The following AFAP1 variants were observed in gnomAD, a reference collection of about 807,000 sequenced individuals.
The protein encoded by AFAP1 is actin filament associated protein 1, also known as actin filament-associated protein 1.
Under a neutral mutation model 93.9 loss-of-function variants are expected in AFAP1, and 75 were observed. The ratio of observed to expected loss-of-function variants is 0.80; its 90% confidence interval spans 0.66 to 0.97. The LOEUF is 0.97. Ranked by LOEUF, AFAP1 falls within the 50% of genes least tolerant of loss-of-function variation. The probability of loss-of-function intolerance (pLI) is 0.00; values close to 1 mark genes in which losing one functional copy is unlikely to be tolerated. For missense variants in AFAP1, 1,201 were observed against 1,050.8 expected, an observed-to-expected ratio of 1.14 and a Z score of -1.98; for synonymous variants, 517 against 430.7, an observed-to-expected ratio of 1.20 and a Z score of -2.48.
chr4:7,855,329 C>T, intron 4 of AFAP1, 137 bp downstream of exon 4: 1 of 645,026 alleles, frequency 1.6e-6, no homozygotes, highest in Non-Finnish European at 2.6e-6. Flanking sequence ...TACTGACAAT[C>T]TCTTTGGGTT....
intron 10 of AFAP1, among the ~76,000 whole-genome samples, chr4:7,794,763 C>T (rs988481752): frequency 3.3e-5 from 5 of 152,016 alleles, no homozygotes; most frequent in African/African-American, 4.8e-5. Context: ...CAGGCTCAAG[C>T]GATTCTCCTA....
chr4:7,781,250 G>T, intron 13 of AFAP1, 126 bp downstream of exon 13: 1 of 1,241,798 alleles, frequency 8.1e-7, no homozygotes, highest in Non-Finnish European at 1.1e-6. Flanking sequence ...TTATATTCTA[G>T]TTGAGAAAAA....
chr4:7,847,025 G>A (rs1451050703), intron 4 of AFAP1, among the ~76,000 whole-genome samples: 1 of 152,222 alleles, frequency 6.6e-6, no homozygotes, highest in East Asian at 1.9e-4. Context: ...TAAGTTCATT[G>A]TCTTGCCTTC....
At chr4:7,937,638 C>A (rs960624825) in intron 1 of AFAP1, among the ~76,000 whole-genome samples, 1 of 152,174 alleles carries the variant, frequency 6.6e-6, no homozygotes, top group African/African-American at 2.4e-5. Flanking sequence ...AGGCACCCAC[C>A]ACCATGCCCG....
rs1037961364 is a variant in AFAP1, at chr4:7,758,723, G to A, written c.*5042C>T. On this transcript the variant is annotated 3_prime_UTR_variant, in exon 18 of 18. Transcript: ENST00000420658. The stretch of plus-strand genomic sequence containing the variant: ...GTGAAGACACCGGGGCTGGGGGAGA[G>A]AAGTTTATTCATACACAAAGGGGCA... The A allele has an allele frequency of 1.4e-4, 21 of 152,276 alleles. No individual in the cohort carries two copies. Among genetic ancestry groups the A allele is most frequent in the Non-Finnish European group, 2.5e-4 (17 of 68,042 alleles). 9.4% of individuals were successfully genotyped at this position (152,276 alleles called of 1,614,324 possible).
Position 7,934,320 on chromosome 4 carries a change from A to T in AFAP1, c.-3+5336T>A, listed in dbSNP as rs573845041. Among the ~76,000 whole-genome samples the T allele has an allele frequency of 4.6e-5, 7 of 152,302 alleles. No homozygotes were observed. In the South Asian group the frequency reaches 1.2e-3, roughly 27 times the overall value. ...CCAGCACTCACTCTGCTGCACTGAAATGATGTCCAGGTCGGTTTTTCCCAC... is the reference window on the plus strand; with the variant it reads ...CCAGCACTCACTCTGCTGCACTGAATTGATGTCCAGGTCGGTTTTTCCCAC... On this transcript the variant is annotated intron_variant, in intron 1 of 17. Transcript: ENST00000420658.
At chr4:7,776,455 A>C (rs920847113) in intron 14 of AFAP1, 7 of 152,170 alleles carry the variant, frequency 4.6e-5, no homozygotes, top group Admixed American at 6.5e-5. Context: ...ATCTAACAAA[A>C]TGATACGACG....
intron 1 of AFAP1, among the ~76,000 whole-genome samples, chr4:7,909,939 C>A (rs1263890752): frequency 1.3e-5 from 2 of 152,128 alleles, no homozygotes; most frequent in Admixed American, 6.6e-5. Context: ...CTAAGCACTA[C>A]GAATCGGGCT....
chr4:7,893,511 G>T (rs1469184977), intron 1 of AFAP1, among the ~76,000 whole-genome samples: 2 of 148,690 alleles, frequency 1.3e-5, no homozygotes, highest in Admixed American at 6.8e-5. Flanking sequence ...AACCTGGGAG[G>T]CGGACCTTGC....
chr4:7,816,105 A>C lies in AFAP1; in HGVS notation c.823-6T>G, dbSNP rs766242443. On this transcript the variant is annotated splice_polypyrimidine_tract_variant and splice_region_variant and intron_variant, in intron 7 of 17. Transcript: ENST00000420658. Reference sequence around the variant, plus strand: ...GGTCTCTCTGAAGACAGTTTCTGTAAGGAGAAAAAGATTAAGTTATTCTTA... The same window carrying C: ...GGTCTCTCTGAAGACAGTTTCTGTACGGAGAAAAAGATTAAGTTATTCTTA... 21 of 1,607,798 alleles carry C rather than the reference A, an allele frequency of 1.3e-5. No homozygotes were observed. Among genetic ancestry groups the C allele is most frequent in the Non-Finnish European group, 1.8e-5 (21 of 1,177,244 alleles).
Position 7,838,573 on chromosome 4 carries a change from G to A in AFAP1, c.677C>T (p.Pro226Leu), listed in dbSNP as rs1577275241. 10 of 1,613,990 alleles carry A rather than the reference G, an allele frequency of 6.2e-6. No homozygotes were observed. Among genetic ancestry groups the A allele is most frequent in the African/African-American group, 4.0e-5 (3 of 74,912 alleles). Residue 226 changes from proline to leucine, a missense_variant, in exon 6 of 18, where the codon CCG becomes CTG. Coordinates refer to ENST00000420658, the MANE Select transcript of AFAP1 (RefSeq NM_001134647.2). ...ELKITQQGTDPLVLAVQSKEQ... is the reference protein window; with the variant it reads ...ELKITQQGTDLLVLAVQSKEQ... ...CTTGCTCTGGACGGCGAGAACAAGC[G>A]GGTCCGTGCCCTGCTGAGTAATCTT...
At chr4:7,841,085 C>A (rs942054042) in intron 5 of AFAP1, among the ~76,000 whole-genome samples, 24 of 152,242 alleles carry the variant, frequency 1.6e-4, no homozygotes, top group African/African-American at 5.5e-4. Context: ...GCAGTCCTAG[C>A]AGGCGGGATT....
At chr4:7,767,842 G>T (rs572250131) in intron 17 of AFAP1, among the ~76,000 whole-genome samples, 3 of 152,224 alleles carry the variant, frequency 2.0e-5, no homozygotes, top group Non-Finnish European at 1.5e-5. Context: ...CACTTTGGGA[G>T]GTAGGAGGAT....
intron 4 of AFAP1, among the ~76,000 whole-genome samples, chr4:7,852,375 A>C (rs2149135409): frequency 1.3e-5 from 2 of 152,328 alleles, no homozygotes; most frequent in Non-Finnish European, 2.9e-5. Context: ...ACCTGGCCAC[A>C]CTGGGCTCCT....
chr4:7,879,293 TCTAATC>T, intron 1 of AFAP1, among the ~76,000 whole-genome samples: 1 of 152,280 alleles, frequency 6.6e-6, no homozygotes, highest in Non-Finnish European at 1.5e-5. Flanking sequence ...AGCCTCACAA[TCTAATC>T]ATCATTGAGA....
At chr4:7,910,945 A>T (rs1485605278) in intron 1 of AFAP1, among the ~76,000 whole-genome samples, 5 of 152,104 alleles carry the variant, frequency 3.3e-5, no homozygotes, top group African/African-American at 1.2e-4. Flanking sequence ...AGACCAGAGC[A>T]CCGAGGGGTG....
At chr4:7,787,763 T>C (rs1182402089) in intron 11 of AFAP1, among the ~76,000 whole-genome samples, 3 of 152,150 alleles carry the variant, frequency 2.0e-5, no homozygotes, top group African/African-American at 7.2e-5. Context: ...GCTTCTGAAG[T>C]CGCAAGGTGC....
chr4:7,805,627 A>C (rs1363055075), intron 9 of AFAP1, among the ~76,000 whole-genome samples: 5 of 152,232 alleles, frequency 3.3e-5, no homozygotes, highest in Non-Finnish European at 1.5e-5. Flanking sequence ...GCCATTTCCT[A>C]GATGGAGGAG....
At position 7,761,369 on chromosome 4, in the gene AFAP1, T is replaced by TACAAACCTGGGTTTTTAC. The variant is rs1405127588; in HGVS notation, c.*2378_*2395dup. The stretch of plus-strand genomic sequence containing the variant: ...AAGGCTTAGGGTTGTGGATGTGAAT[T>TACAAACCTGGGTTTTTAC]ACAAACCTGGGTTTTTACAACAAAA... On this transcript the variant is annotated 3_prime_UTR_variant, in exon 18 of 18. Transcript: ENST00000420658. 2.0e-5 allele frequency: 3 copies of TACAAACCTGGGTTTTTAC among 152,238 alleles called. No individual in the cohort carries two copies. Among genetic ancestry groups the TACAAACCTGGGTTTTTAC allele is most frequent in the African/African-American group, 7.2e-5 (3 of 41,464 alleles). 9.4% of individuals were successfully genotyped at this position (152,238 alleles called of 1,614,324 possible).
Sources: allele counts gnomAD v4.1 joint callset (sites outside exome capture counted in the v4.1 genomes callset), GRCh38; gene constraint gnomAD v4.1.1; transcripts MANE v1.5; gene names NCBI Gene and HGNC (gene_info 2026-07-23, HGNC 2026-07-21).